The following PTPRG variants were observed in gnomAD, a reference collection of about 807,000 sequenced individuals.
PTPRG encodes protein tyrosine phosphatase receptor type G.
PTPRG carries 102 observed loss-of-function variants against 165.3 expected under a neutral mutation model. The observed-to-expected ratio is 0.62, with a 90% CI of 0.53 to 0.73. The LOEUF (loss-of-function observed/expected upper bound fraction) is 0.73, where lower values mean the gene tolerates loss of function less well. PTPRG is among the 30% of genes least tolerant of loss of function. PTPRG has a pLI of 0.00. For missense variants in PTPRG, 1,866 were observed against 1,861.4 expected, an observed-to-expected ratio of 1.00 and a Z score of -0.05; for synonymous variants, 675 against 669.5, an observed-to-expected ratio of 1.01 and a Z score of -0.13.
intron 17 of PTPRG, among the ~76,000 whole-genome samples, chr3:62,266,456 G>T (rs1242565505): frequency 2.6e-5 from 4 of 151,982 alleles, no homozygotes; most frequent in Non-Finnish European, 4.4e-5. Context: ...GACTACTAAG[G>T]CATAACGGTT....
intron 24 of PTPRG, 102 bp from the exon 25 acceptor site, chr3:62,276,870 G>C: frequency 1.2e-6 from 1 of 835,496 alleles, no homozygotes; most frequent in Non-Finnish European, 2.0e-6. Context: ...AGAAAGGGAA[G>C]CCAGGAGGAT....
intron 4 of PTPRG, among the ~76,000 whole-genome samples, chr3:62,040,731 C>T (rs895849104): frequency 2.6e-5 from 4 of 152,160 alleles, no homozygotes; most frequent in East Asian, 3.8e-4. Flanking sequence ...TGTGAGCCAC[C>T]GTGCCCAGCC....
intron 1 of PTPRG, among the ~76,000 whole-genome samples, chr3:61,585,280 CAAAAA>C (rs3039784): frequency 6.1e-5 from 5 of 81,334 alleles, no homozygotes; most frequent in African/African-American, 7.1e-5. Flanking sequence ...GACCCTGTCT[CAAAAA>C]AAAAAAAAAA....
intron 2 of PTPRG, among the ~76,000 whole-genome samples, chr3:61,960,384 T>A (rs2040124194): frequency 6.6e-6 from 1 of 152,040 alleles, no homozygotes; most frequent in South Asian, 2.1e-4. Context: ...GGTGATAAAT[T>A]CCCTGTTTGT....
intron 2 of PTPRG, among the ~76,000 whole-genome samples, chr3:61,842,816 C>T (rs1000941202): frequency 6.6e-6 from 1 of 152,066 alleles, no homozygotes; most frequent in African/African-American, 2.4e-5. Context: ...CAGAAGGAGA[C>T]TTGGTCCCTG....
At chr3:61,692,808 C>G (rs1027487309) in intron 1 of PTPRG, among the ~76,000 whole-genome samples, 8 of 152,084 alleles carry the variant, frequency 5.3e-5, no homozygotes, top group African/African-American at 1.9e-4. Context: ...CAGGAACCGG[C>G]CATCTGGATG....
At chr3:61,571,380 T>C (rs1700051410) in intron 1 of PTPRG, among the ~76,000 whole-genome samples, 2 of 152,224 alleles carry the variant, frequency 1.3e-5, no homozygotes, top group African/African-American at 4.8e-5. Flanking sequence ...TTTTCCTAAT[T>C]GCACAGGAGG....
intron 2 of PTPRG, among the ~76,000 whole-genome samples, chr3:61,976,573 C>G (rs2107670639): frequency 6.6e-6 from 1 of 152,286 alleles, no homozygotes. Flanking sequence ...AGAATATTGA[C>G]TTCCTTTTTA....
chr3:62,226,162 T>C (rs1700759259), intron 13 of PTPRG, among the ~76,000 whole-genome samples: 1 of 152,216 alleles, frequency 6.6e-6, no homozygotes, highest in South Asian at 2.1e-4. Context: ...CCCAGACAAT[T>C]TGACTTCATA....
intron 2 of PTPRG, among the ~76,000 whole-genome samples, chr3:61,786,515 G>A (rs537359137): frequency 2.6e-5 from 4 of 152,216 alleles, no homozygotes; most frequent in Non-Finnish European, 4.4e-5. Context: ...GCTGGTTATC[G>A]TAACTATTAT....
At chr3:61,844,715 G>A (rs2036756931) in intron 2 of PTPRG, among the ~76,000 whole-genome samples, 1 of 151,528 alleles carries the variant, frequency 6.6e-6, no homozygotes, top group Admixed American at 6.6e-5. Context: ...ATTGAACAGG[G>A]TGGTCTCGAA....
At chr3:62,154,852 A>G (rs1347315209) in intron 6 of PTPRG, among the ~76,000 whole-genome samples, 1 of 152,216 alleles carries the variant, frequency 6.6e-6, no homozygotes, top group Non-Finnish European at 1.5e-5. Flanking sequence ...TGAGGGAGAC[A>G]TGAAGGTGGT....
rs72878424 is a variant in PTPRG, at chr3:61,699,275, G to C, written c.86-49603G>C. Reference sequence around the variant, plus strand: ...TATTTTTCAAAACAAATTTTAGTTGGAAGAGTGGCATTGCTTTATACTTTT... The same window carrying C: ...TATTTTTCAAAACAAATTTTAGTTGCAAGAGTGGCATTGCTTTATACTTTT... On this transcript the variant is annotated intron_variant, in intron 1 of 29. Coordinates refer to ENST00000474889, the MANE Select transcript of PTPRG (RefSeq NM_002841.4). Among the ~76,000 whole-genome samples, 298 of 152,284 alleles carry C rather than the reference G, an allele frequency of 2.0e-3. 2 individuals carry two copies. Among genetic ancestry groups the C allele is most frequent in the African/African-American group, 7.0e-3 (289 of 41,558 alleles).
At chr3:61,671,613 A>G (rs1019306587) in intron 1 of PTPRG, among the ~76,000 whole-genome samples, 5 of 145,250 alleles carry the variant, frequency 3.4e-5, no homozygotes, top group East Asian at 2.0e-4. Flanking sequence ...ATTCCACAAA[A>G]CCGCCATTGT....
At chr3:62,120,972 G>A (rs529335912) in intron 5 of PTPRG, among the ~76,000 whole-genome samples, 1 of 151,810 alleles carries the variant, frequency 6.6e-6, no homozygotes, top group African/African-American at 2.4e-5. Context: ...TCACAAGACA[G>A]CCAGCTCTGT....
chr3:62,092,552 T>C (rs531379082), intron 5 of PTPRG, among the ~76,000 whole-genome samples: 2 of 152,120 alleles, frequency 1.3e-5, no homozygotes, highest in African/African-American at 4.8e-5. Flanking sequence ...GTGAGTCAGC[T>C]TGGTGAAGAA....
chr3:62,196,208 A>G lies in PTPRG; in HGVS notation c.1327+1038A>G, dbSNP rs560371636. ...TCAGTTCGAGACCAGCCTGGCCAAC[A>G]TGGTGAAACCCCGTCTCTACTAAAA... is the stretch of plus-strand genomic sequence containing the variant. On this transcript the variant is annotated intron_variant, in intron 10 of 29. Coordinates refer to ENST00000474889, the MANE Select transcript of PTPRG (RefSeq NM_002841.4). Among the ~76,000 whole-genome samples the G allele has an allele frequency of 5.5e-5, 8 of 145,794 alleles. No individual in the cohort carries two copies. In the South Asian group the frequency reaches 2.0e-3, roughly 36 times the overall value.
At position 61,592,209 on chromosome 3, in the gene PTPRG, C is replaced by T. The variant is rs149336674; in HGVS notation, c.85+29837C>T. On this transcript the variant is annotated intron_variant, in intron 1 of 29. Transcript: ENST00000474889. ...CTCGAACTCCCAACCTCAGGTGATC[C>T]GCCTGCCTCAGCCTCCCAAAGTGCT... Among the ~76,000 whole-genome samples the T allele has an allele frequency of 2.2e-3, 338 of 152,100 alleles. 4 individuals are homozygous for T. The highest frequency in any genetic ancestry group is 7.7e-3 in the African/African-American group (320 of 41,518).
intron 4 of PTPRG, among the ~76,000 whole-genome samples, chr3:62,076,140 A>G (rs1172440279): frequency 6.6e-6 from 1 of 152,092 alleles, no homozygotes; most frequent in Non-Finnish European, 1.5e-5. Context: ...TATAAAAACT[A>G]GCCCGATATG....
Sources: gnomAD v4.1 joint callset for allele counts (sites outside exome capture counted in the v4.1 genomes callset) on GRCh38, gnomAD v4.1.1 for gene constraint, MANE v1.5 for transcripts, NCBI Gene and HGNC (gene_info 2026-07-23, HGNC 2026-07-21) for gene names.